PAGE2B: variants seen among roughly 807,000 people sequenced by gnomAD.
PAGE2B encodes PAGE family member 2B.
A neutral mutation model predicts 7.6 loss-of-function variants in PAGE2B; 5 were observed. That is an observed-to-expected ratio of 0.66 (90% CI 0.34 to 1.38). The LOEUF (loss-of-function observed/expected upper bound fraction) is 1.38, where lower values mean the gene tolerates loss of function less well. PAGE2B is among the 40% of genes most tolerant of loss of function. The probability of loss-of-function intolerance (pLI) is 0.04; values close to 1 mark genes in which losing one functional copy is unlikely to be tolerated. For missense variants in PAGE2B, 70 were observed against 78.4 expected (o/e 0.89, Z 0.41); for synonymous variants, 29 against 26.7 (o/e 1.09, Z -0.27).
chrX:55,041,529 G>A, the PAGE2B span, among the ~76,000 whole-genome samples: 7 of 112,094 alleles, frequency 6.2e-5, no homozygotes, highest in Non-Finnish European at 9.4e-5. Context: ...TTGACAGTTG[G>A]CAGAGCTAGC....
At chrX:55,034,550 G>A in the PAGE2B span, among the ~76,000 whole-genome samples, 1 of 110,386 alleles carries the variant, frequency 9.1e-6, no homozygotes, top group African/African-American at 3.3e-5. Context: ...CCCTCAGAGT[G>A]TTATAAATAT....
At chrX:55,065,371 C>A in the PAGE2B span, among the ~76,000 whole-genome samples, 1 of 111,464 alleles carries the variant, frequency 9.0e-6, no homozygotes, top group East Asian at 2.8e-4. Flanking sequence ...ATAGCTACTC[C>A]TGCTCTTTTT....
chrX:55,030,792 G>GAGAT, the PAGE2B span: 1 of 170,583 alleles, frequency 5.9e-6, no homozygotes, highest in African/African-American at 3.0e-5. Flanking sequence ...AGAGACATGG[G>GAGAT]AGATAAAAAG....
the PAGE2B span, among the ~76,000 whole-genome samples, chrX:55,050,987 C>T: frequency 3.5e-4 from 39 of 111,423 alleles, no homozygotes; most frequent in Admixed American, 3.6e-3. Flanking sequence ...TTCAGGAGCT[C>T]TTGTAGGGCA....
At chrX:55,047,215 G>C in the PAGE2B span, among the ~76,000 whole-genome samples, 1 of 110,752 alleles carries the variant, frequency 9.0e-6, no homozygotes, top group Non-Finnish European at 1.9e-5. Flanking sequence ...TGCTGAGAAT[G>C]ATGGTTTCCA....
chrX:55,035,696 C>T, the PAGE2B span, among the ~76,000 whole-genome samples: 2 of 112,074 alleles, frequency 1.8e-5, no homozygotes, highest in African/African-American at 6.5e-5. Context: ...ACTGTGTGAA[C>T]TTTGGGAGGT....
At chrX:55,028,638 A>C in the PAGE2B span, among the ~76,000 whole-genome samples, 2 of 111,250 alleles carry the variant, frequency 1.8e-5, no homozygotes, top group Non-Finnish European at 1.9e-5. Flanking sequence ...TTGAATTCTC[A>C]AGTTCTTTCA....
At chrX:55,042,652 T>TC in the PAGE2B span, among the ~76,000 whole-genome samples, 6 of 5,338 alleles carry the variant, frequency 1.1e-3, no homozygotes, top group Non-Finnish European at 1.8e-3. Context: ...AGACTCCGTC[T>TC]CAAAAAAAAA....
upstream of PAGE2B, among the ~76,000 whole-genome samples, chrX:55,074,534 T>A (rs1475607117): frequency 8.9e-6 from 1 of 111,828 alleles, no homozygotes; most frequent in East Asian, 2.8e-4. Context: ...ACAAATAATG[T>A]TGAGTTCCTA....
At chrX:55,036,144 T>C in the PAGE2B span, among the ~76,000 whole-genome samples, 1 of 112,226 alleles carries the variant, frequency 8.9e-6, no homozygotes. Context: ...TTTTACACAT[T>C]GCTTTTGTAT....
chrX:55,050,017 T>C, the PAGE2B span, among the ~76,000 whole-genome samples: 1 of 112,269 alleles, frequency 8.9e-6, no homozygotes, highest in Non-Finnish European at 1.9e-5. Flanking sequence ...GTCTTTGTTC[T>C]CATTGGTTTC....
the PAGE2B span, among the ~76,000 whole-genome samples, chrX:55,053,817 A>G: frequency 2.7e-5 from 3 of 112,523 alleles, no homozygotes; most frequent in Non-Finnish European, 5.6e-5. Flanking sequence ...CAAACCTCAT[A>G]TACTTACTTG....
the PAGE2B span, among the ~76,000 whole-genome samples, chrX:55,031,352 A>G: frequency 7.2e-5 from 8 of 111,491 alleles, no homozygotes; most frequent in African/African-American, 2.3e-4. Context: ...CAGACCTAGA[A>G]TACAGTGTTG....
chrX:55,061,206 A>C, the PAGE2B span, among the ~76,000 whole-genome samples: 3 of 111,090 alleles, frequency 2.7e-5, no homozygotes, highest in African/African-American at 9.8e-5. Flanking sequence ...TTCTTTTAAA[A>C]TAGTGATTTG....
the PAGE2B span, among the ~76,000 whole-genome samples, chrX:55,067,047 A>G: frequency 9.4e-6 from 1 of 106,585 alleles, no homozygotes; most frequent in Non-Finnish European, 1.9e-5. Context: ...TCTTTTTTTT[A>G]GGTTCTATTA....
At chrX:55,051,616 G>C in the PAGE2B span, among the ~76,000 whole-genome samples, 1 of 112,052 alleles carries the variant, frequency 8.9e-6, no homozygotes, top group African/African-American at 3.2e-5. Context: ...ACTGAGGCTT[G>C]TGCATTCGTC....
chrX:55,051,793 CCTT>C, the PAGE2B span, among the ~76,000 whole-genome samples: 1 of 111,772 alleles, frequency 8.9e-6, no homozygotes, highest in Non-Finnish European at 1.9e-5. Flanking sequence ...TCTTCTGAAG[CCTT>C]CTTCTCTCAA....
At chrX:55,038,487 T>C in the PAGE2B span, among the ~76,000 whole-genome samples, 5 of 112,030 alleles carry the variant, frequency 4.5e-5, no homozygotes, top group Non-Finnish European at 7.5e-5. Flanking sequence ...TTTACTGAGA[T>C]ACTATGTTTT....
the PAGE2B span, among the ~76,000 whole-genome samples, chrX:55,062,944 T>C: frequency 1.8e-5 from 2 of 111,532 alleles, no homozygotes; most frequent in African/African-American, 6.5e-5. Flanking sequence ...TTTTCTATAC[T>C]GTTCCATTGG....
Sources: allele counts gnomAD v4.1 joint callset (sites outside exome capture counted in the v4.1 genomes callset), GRCh38; gene constraint gnomAD v4.1.1; transcripts MANE v1.5; gene names NCBI Gene and HGNC (gene_info 2026-07-23, HGNC 2026-07-21).